Variants in SDK1 observed in about 807,000 individuals in gnomAD.
The protein encoded by SDK1 is protein sidekick-1.
In SDK1, 157 loss-of-function variants were observed where a neutral mutation model predicts 245.5. The observed-to-expected ratio is 0.64, with a 90% confidence interval of 0.56 to 0.73. The LOEUF (loss-of-function observed/expected upper bound fraction) is 0.73, where lower values mean the gene tolerates loss of function less well. SDK1 is among the 30% of genes least tolerant of loss of function. SDK1 has a pLI of 0.00. For missense variants in SDK1, 3,583 were observed against 3,002.3 expected (o/e 1.19, Z -4.52); for synonymous variants, 1,647 against 1,278.5 (o/e 1.29, Z -6.15).
At chr7:4,035,250 G>C (rs1301759889) in intron 17 of SDK1, among the ~76,000 whole-genome samples, 2 of 152,128 alleles carry the variant, frequency 1.3e-5, no homozygotes, top group African/African-American at 4.8e-5. Flanking sequence ...CTCTCAAAGT[G>C]CTGGGATTAC....
chr7:4,068,512 A>G (rs1043340120), intron 20 of SDK1, among the ~76,000 whole-genome samples: 1 of 151,968 alleles, frequency 6.6e-6, no homozygotes, highest in Non-Finnish European at 1.5e-5. Flanking sequence ...TTCTGACTCC[A>G]GATCCCATGT....
intron 4 of SDK1, among the ~76,000 whole-genome samples, chr7:3,722,091 G>T (rs1222846317): frequency 6.6e-6 from 1 of 152,024 alleles, no homozygotes; most frequent in African/African-American, 2.4e-5. Flanking sequence ...TGTTACCCAG[G>T]CTGGTCTTGA....
intron 4 of SDK1, among the ~76,000 whole-genome samples, chr7:3,677,529 C>A (rs1783943541): frequency 6.6e-6 from 1 of 152,180 alleles, no homozygotes; most frequent in Admixed American, 6.5e-5. Context: ...GAGACTTATT[C>A]ACTACCACAA....
At chr7:3,796,846 T>G (rs986425351) in intron 4 of SDK1, among the ~76,000 whole-genome samples, 1 of 152,170 alleles carries the variant, frequency 6.6e-6, no homozygotes, top group Non-Finnish European at 1.5e-5. Context: ...ACTAAAGTTA[T>G]CAATGTTATA....
intron 13 of SDK1, among the ~76,000 whole-genome samples, chr7:3,978,195 C>T (rs1208218758): frequency 6.6e-6 from 1 of 151,960 alleles, no homozygotes; most frequent in Non-Finnish European, 1.5e-5. Flanking sequence ...CTTAGATCAT[C>T]CATCGTTGGT....
intron 5 of SDK1, among the ~76,000 whole-genome samples, chr7:3,910,822 G>A (rs767874792): frequency 2.0e-5 from 3 of 152,206 alleles, no homozygotes; most frequent in Non-Finnish European, 2.9e-5. Flanking sequence ...CAGAAAAACT[G>A]ATTATTCAGA....
At chr7:4,238,538 G>A (rs1044155297) in intron 42 of SDK1, among the ~76,000 whole-genome samples, 1 of 151,506 alleles carries the variant, frequency 6.6e-6, no homozygotes, top group Non-Finnish European at 1.5e-5. Flanking sequence ...ACTCCAGCCT[G>A]GACAACAAAG....
chr7:3,606,693 C>G (rs922505302), intron 1 of SDK1, among the ~76,000 whole-genome samples: 2 of 152,168 alleles, frequency 1.3e-5, no homozygotes, highest in African/African-American at 2.4e-5. Context: ...ACCCCGTTCT[C>G]AACGAGGCCT....
At chr7:3,747,955 A>G (rs1779672260) in intron 4 of SDK1, among the ~76,000 whole-genome samples, 1 of 152,194 alleles carries the variant, frequency 6.6e-6, no homozygotes, top group African/African-American at 2.4e-5. Context: ...GGAAACTGAT[A>G]CGAAAAATAA....
chr7:3,311,533 C>G (rs1375109645), intron 1 of SDK1, among the ~76,000 whole-genome samples: 1 of 152,068 alleles, frequency 6.6e-6, no homozygotes, highest in Non-Finnish European at 1.5e-5. Flanking sequence ...CAAAAATGAT[C>G]TTAAAATACC....
intron 4 of SDK1, among the ~76,000 whole-genome samples, chr7:3,679,508 A>G (rs1240397352): frequency 6.6e-6 from 1 of 152,086 alleles, no homozygotes; most frequent in Admixed American, 6.5e-5. Context: ...TGGAGCTTGC[A>G]GTGAGCCGAG....
At chr7:3,424,046 G>A (rs1055558889) in intron 1 of SDK1, among the ~76,000 whole-genome samples, 2 of 151,800 alleles carry the variant, frequency 1.3e-5, no homozygotes, top group African/African-American at 4.8e-5. Context: ...CAAATAGTTC[G>A]GACTACAGGT....
chr7:3,596,266 A>G (rs1049801739), intron 1 of SDK1, among the ~76,000 whole-genome samples: 1 of 152,126 alleles, frequency 6.6e-6, no homozygotes, highest in African/African-American at 2.4e-5. Flanking sequence ...CAGTAATAGG[A>G]GAAATGAAAT....
chr7:3,390,451 G>T (rs1199215914), intron 1 of SDK1, among the ~76,000 whole-genome samples: 4 of 152,136 alleles, frequency 2.6e-5, no homozygotes, highest in Admixed American at 2.6e-4. Flanking sequence ...TGATCTGGAA[G>T]CATCTTTCCT....
At chr7:3,751,914 A>G (rs1193448463) in intron 4 of SDK1, among the ~76,000 whole-genome samples, 1 of 152,176 alleles carries the variant, frequency 6.6e-6, no homozygotes, top group Non-Finnish European at 1.5e-5. Context: ...TATATCTAAT[A>G]TTTTGAAACA....
At chr7:4,159,481 A>G (rs927188580) in intron 31 of SDK1, among the ~76,000 whole-genome samples, 2 of 152,246 alleles carry the variant, frequency 1.3e-5, no homozygotes, top group Non-Finnish European at 2.9e-5. Flanking sequence ...CTGTGCTCCC[A>G]GGAAAAGCAC....
intron 1 of SDK1, among the ~76,000 whole-genome samples, chr7:3,520,062 A>T (rs1041987672): frequency 6.6e-6 from 1 of 152,224 alleles, no homozygotes; most frequent in Non-Finnish European, 1.5e-5. Flanking sequence ...AGTTGTTCTT[A>T]TTAAAGTTAC....
At chr7:4,262,684 C>A (rs1441905382) in intron 44 of SDK1, among the ~76,000 whole-genome samples, 2 of 142,444 alleles carry the variant, frequency 1.4e-5, no homozygotes, top group Admixed American at 6.9e-5. Flanking sequence ...GGAGGATGCA[C>A]CCCCCAATCC....
At chr7:4,239,138 C>T (rs1248574100) in intron 42 of SDK1, among the ~76,000 whole-genome samples, 4 of 152,188 alleles carry the variant, frequency 2.6e-5, no homozygotes, top group African/African-American at 9.6e-5. Context: ...AGTCAATAAG[C>T]ATTTATTGCC....
Sources: allele counts gnomAD v4.1 joint callset (sites outside exome capture counted in the v4.1 genomes callset), GRCh38; gene constraint gnomAD v4.1.1; transcripts MANE v1.5; gene names NCBI Gene and HGNC (gene_info 2026-07-23, HGNC 2026-07-21).